The following ALPK2 variants were observed in gnomAD, a reference collection of about 807,000 sequenced individuals.
ALPK2 encodes alpha-protein kinase 2.
Under a neutral mutation model 163.1 loss-of-function variants are expected in ALPK2, and 127 were observed. That is an observed-to-expected ratio of 0.78 (90% CI 0.67 to 0.90). The LOEUF (loss-of-function observed/expected upper bound fraction) is 0.90. Among genes scored for constraint, ALPK2 ranks in the 40% least tolerant of loss-of-function variants. The pLI, the probability that ALPK2 is intolerant of heterozygous loss-of-function variation, is 0.00. For synonymous variants in ALPK2, 953 were observed against 959.1 expected (o/e 0.99, Z 0.12); for missense variants, 2,360 against 2,589.6 (o/e 0.91, Z 1.92).
chr18:58,482,656 G>A (rs913990114), intron 12 of ALPK2, among the ~76,000 whole-genome samples: 1 of 152,150 alleles, frequency 6.6e-6, no homozygotes, highest in African/African-American at 2.4e-5. Flanking sequence ...TTTGTCTCTG[G>A]CAGAACCTTT....
chr18:58,625,002 A>G (rs2052222093), intron 1 of ALPK2, among the ~76,000 whole-genome samples: 1 of 152,172 alleles, frequency 6.6e-6, no homozygotes, highest in African/African-American at 2.4e-5. Flanking sequence ...CAACCACACT[A>G]ATTTCTGATT....
chr18:58,579,729 C>T lies in ALPK2; in HGVS notation c.1047G>A (p.Leu349=), dbSNP rs1181964170. Residue 349 remains leucine (L), a synonymous_variant, in exon 4 of 13, where the codon CTG becomes CTA. Transcript: ENST00000361673. ...YSNAVWQRNL[L]GTEHVFLLES... ...CTAATAAAAAAACATGCTCAGTCCC[C>T]AGCAGGTTCCTTTGCCAAACTGCAT... 6.2e-7 allele frequency: 1 copy of T among 1,614,208 alleles called. No homozygotes were observed. Among genetic ancestry groups the T allele is most frequent in the South Asian group, 1.1e-5 (1 of 91,084 alleles).
chr18:58,567,379 G>A (rs2051861267), intron 4 of ALPK2, among the ~76,000 whole-genome samples: 2 of 151,832 alleles, frequency 1.3e-5, no homozygotes, highest in African/African-American at 4.8e-5. Flanking sequence ...GCAAGACTCT[G>A]CCTCAAAATT....
intron 4 of ALPK2, among the ~76,000 whole-genome samples, chr18:58,541,983 G>C (rs183964352): frequency 2.0e-5 from 3 of 152,320 alleles, no homozygotes; most frequent in East Asian, 3.9e-4. Flanking sequence ...TGATTCTTCT[G>C]CTGTGCACCT....
chr18:58,574,199 G>A (rs952119356), intron 4 of ALPK2, among the ~76,000 whole-genome samples: 5 of 151,866 alleles, frequency 3.3e-5, no homozygotes, highest in South Asian at 4.2e-4. Context: ...ATCCCAGCAC[G>A]TTGGGAGGCT....
At chr18:58,619,281 A>G (rs922845513) in intron 1 of ALPK2, among the ~76,000 whole-genome samples, 2 of 149,926 alleles carry the variant, frequency 1.3e-5, no homozygotes, top group Non-Finnish European at 2.9e-5. Flanking sequence ...GTTCTTTGCT[A>G]TTTCCCAGCT....
At chr18:58,506,266 C>T (rs2051461431) in intron 10 of ALPK2, among the ~76,000 whole-genome samples, 1 of 151,766 alleles carries the variant, frequency 6.6e-6, no homozygotes, top group Admixed American at 6.6e-5. Context: ...TATTGGGTGC[C>T]ATGTTCACTA....
chr18:58,584,908 G>A (rs908490202), intron 3 of ALPK2, among the ~76,000 whole-genome samples: 1 of 152,218 alleles, frequency 6.6e-6, no homozygotes, highest in Non-Finnish European at 1.5e-5. Flanking sequence ...GTGCCCCACA[G>A]TGATTTGACA....
chr18:58,534,169 A>T (rs2051630767), intron 5 of ALPK2, among the ~76,000 whole-genome samples: 1 of 150,656 alleles, frequency 6.6e-6, no homozygotes, highest in Non-Finnish European at 1.5e-5. Context: ...TTTTTTTAAC[A>T]GCATCATAGG....
intron 11 of ALPK2, among the ~76,000 whole-genome samples, chr18:58,503,266 A>G (rs1348353633): frequency 1.3e-5 from 2 of 152,274 alleles, no homozygotes; most frequent in Admixed American, 6.5e-5. Context: ...GAAGTACTAC[A>G]TCTTAATTTA....
intron 1 of ALPK2, among the ~76,000 whole-genome samples, chr18:58,617,479 G>A (rs1291213947): frequency 2.6e-5 from 4 of 152,120 alleles, no homozygotes; most frequent in African/African-American, 9.7e-5. Context: ...GAACTACTGT[G>A]CCCAGCCAAC....
chr18:58,539,342 G>T (rs570214709), intron 4 of ALPK2, among the ~76,000 whole-genome samples: 31 of 152,238 alleles, frequency 2.0e-4, no homozygotes, highest in African/African-American at 5.8e-4. Context: ...AAGGGGAGAG[G>T]GGGAGGGAGG....
chr18:58,603,966 T>C (rs912216147), intron 3 of ALPK2, among the ~76,000 whole-genome samples: 3 of 152,168 alleles, frequency 2.0e-5, no homozygotes, highest in Non-Finnish European at 4.4e-5. Context: ...CAATGATAAA[T>C]CTCTTCCCCG....
Position 58,535,094 on chromosome 18 carries a change from G to T in ALPK2, c.5093C>A (p.Ser1698Ter). The change falls in exon 5 of 13, where the codon TCG (serine) becomes TAG (stop). Residue 1698 changes from serine to a stop codon, truncating the protein, a stop_gained. Coordinates refer to ENST00000361673, the MANE Select transcript of ALPK2 (RefSeq NM_052947.4). LOFTEE classifies it high-confidence loss of function. ...CGTCACTGCTGTGAGGGTCCCTGGC[G>T]ATTTGCCTGCTCGGGCTTCCAGGGA... Reference protein sequence around the residue: ...EKSLEARAGKSPGTLTAVTGS... With the variant: ...EKSLEARAGK The T allele has an allele frequency of 6.2e-7, 1 of 1,614,068 alleles. No individual in the cohort carries two copies. The highest frequency in any genetic ancestry group is 8.5e-7 in the Non-Finnish European group (1 of 1,180,022).
chr18:58,491,255 T>G (rs968478067), intron 12 of ALPK2, among the ~76,000 whole-genome samples: 1 of 152,242 alleles, frequency 6.6e-6, no homozygotes, highest in Non-Finnish European at 1.5e-5. Flanking sequence ...GAACTTAGTT[T>G]ATAGTTTGAC....
chr18:58,623,601 A>C (rs1602244733), intron 1 of ALPK2, among the ~76,000 whole-genome samples: 1 of 152,072 alleles, frequency 6.6e-6, no homozygotes, highest in African/African-American at 2.4e-5. Context: ...GAGTAGCTGG[A>C]ATTACAGGCA....
At chr18:58,573,332 ATG>A (rs200230659) in intron 4 of ALPK2, among the ~76,000 whole-genome samples, 16,203 of 143,152 alleles carry the variant, frequency 0.11, 976 homozygotes, top group East Asian at 0.17. Flanking sequence ...ATATGTATAT[ATG>A]TGTATATATA....
intron 4 of ALPK2, 21 bp downstream of exon 4, chr18:58,578,793 T>A: frequency 6.3e-7 from 1 of 1,575,434 alleles, no homozygotes; most frequent in Non-Finnish European, 8.6e-7. Flanking sequence ...TCTCGTAATT[T>A]CTTTAAAAGA....
At chr18:58,532,148 A>G (rs2051619210) in intron 5 of ALPK2, among the ~76,000 whole-genome samples, 1 of 152,116 alleles carries the variant, frequency 6.6e-6, no homozygotes, top group Non-Finnish European at 1.5e-5. Context: ...GGAAAATAAC[A>G]TGTCCTTAAT....
Sources: allele counts gnomAD v4.1 joint callset (sites outside exome capture counted in the v4.1 genomes callset), GRCh38; gene constraint gnomAD v4.1.1; transcripts MANE v1.5; gene names NCBI Gene and HGNC (gene_info 2026-07-23, HGNC 2026-07-21).